The following PIP5K1B variants were observed in gnomAD, a reference collection of about 807,000 sequenced individuals.
PIP5K1B encodes phosphatidylinositol-4-phosphate 5-kinase type 1 beta.
In PIP5K1B, 42 loss-of-function variants were observed where a neutral mutation model predicts 67.0. That is an observed-to-expected ratio of 0.63 (90% CI 0.49 to 0.81). PIP5K1B has a LOEUF of 0.81. Ranked by LOEUF, PIP5K1B falls within the 30% of genes least tolerant of loss-of-function variation. The pLI is 0.00. For missense variants in PIP5K1B, 459 were observed against 646.3 expected, an observed-to-expected ratio of 0.71 and a Z score of 3.14; for synonymous variants, 214 against 231.4, an observed-to-expected ratio of 0.92 and a Z score of 0.68.
chr9:68,726,669 T>C (rs1828161816), intron 1 of PIP5K1B, among the ~76,000 whole-genome samples: 1 of 152,112 alleles, frequency 6.6e-6, no homozygotes, highest in African/African-American at 2.4e-5. Context: ...GAGGAGAGGG[T>C]GCTAATATCC....
intron 1 of PIP5K1B, among the ~76,000 whole-genome samples, chr9:68,712,190 C>G (rs1057273680): frequency 6.6e-6 from 1 of 152,128 alleles, no homozygotes; most frequent in Non-Finnish European, 1.5e-5. Flanking sequence ...TGTTTCAAAG[C>G]GTGTGGCATC....
intron 14 of PIP5K1B, among the ~76,000 whole-genome samples, chr9:68,949,777 C>T (rs140639661): frequency 6.6e-6 from 1 of 152,320 alleles, no homozygotes; most frequent in African/African-American, 2.4e-5. Context: ...AGCGCCGACA[C>T]GTGGTGGAAG....
At chr9:68,741,018 C>T (rs1227378789) in intron 1 of PIP5K1B, among the ~76,000 whole-genome samples, 1 of 152,178 alleles carries the variant, frequency 6.6e-6, no homozygotes, top group Non-Finnish European at 1.5e-5. Context: ...TTTCTAAATG[C>T]CATTTTACCC....
intron 4 of PIP5K1B, among the ~76,000 whole-genome samples, chr9:68,827,123 A>G (rs758873879): frequency 3.3e-5 from 5 of 152,200 alleles, no homozygotes; most frequent in Admixed American, 6.5e-5. Context: ...AGGGAGTCCA[A>G]TGAGCACAGG....
At chr9:68,792,710 ACCTCG>A in intron 2 of PIP5K1B, among the ~76,000 whole-genome samples, 1 of 151,874 alleles carries the variant, frequency 6.6e-6, no homozygotes, top group South Asian at 2.1e-4. Context: ...CGATCTCCTG[ACCTCG>A]TGATCCGCCC....
rs149392606 is a variant in PIP5K1B, at chr9:68,856,663, G to A, written c.70-7174G>A. Among the ~76,000 whole-genome samples, 771 of 152,198 alleles carry A rather than the reference G, an allele frequency of 5.1e-3. 3 individuals carry two copies. Among genetic ancestry groups the A allele is most frequent in the Non-Finnish European group, 8.7e-3 (595 of 68,010 alleles). The stretch of plus-strand genomic sequence containing the variant: ...AGAGCAAGAACCACGTCTCTTTTTC[G>A]GCTTATGCTTCGCACAATGCCTAAA... On this transcript the variant is annotated intron_variant, in intron 4 of 15. Coordinates refer to ENST00000265382, the MANE Select transcript of PIP5K1B (RefSeq NM_003558.4).
intron 8 of PIP5K1B, among the ~76,000 whole-genome samples, chr9:68,903,367 T>C (rs1297440746): frequency 6.6e-6 from 1 of 152,264 alleles, no homozygotes; most frequent in Non-Finnish European, 1.5e-5. Context: ...AGGTAAATCA[T>C]GTCAACATTG....
At chr9:68,801,980 TG>T (rs1832626924) in intron 2 of PIP5K1B, among the ~76,000 whole-genome samples, 2 of 152,330 alleles carry the variant, frequency 1.3e-5, no homozygotes, top group African/African-American at 4.8e-5. Context: ...AGATAAATAA[TG>T]GGCATCTCTG....
At chr9:68,813,762 G>A (rs1043851204) in intron 2 of PIP5K1B, among the ~76,000 whole-genome samples, 3 of 152,134 alleles carry the variant, frequency 2.0e-5, no homozygotes, top group Non-Finnish European at 4.4e-5. Flanking sequence ...GGCCAGGGCT[G>A]GAGTAACACA....
chr9:68,821,643 T>C (rs1001323522), intron 3 of PIP5K1B, among the ~76,000 whole-genome samples: 2 of 152,226 alleles, frequency 1.3e-5, no homozygotes, highest in African/African-American at 4.8e-5. Flanking sequence ...TATACTCTTC[T>C]GGAAATAAAT....
chr9:68,813,549 C>G (rs115022802), intron 2 of PIP5K1B, among the ~76,000 whole-genome samples: 1 of 152,144 alleles, frequency 6.6e-6, no homozygotes. Context: ...GTATTATGTT[C>G]CCTAGAAAGA....
chr9:68,894,220 A>T, intron 7 of PIP5K1B, 119 bp from the exon 8 acceptor site: 1 of 699,330 alleles, frequency 1.4e-6, no homozygotes. Flanking sequence ...ATGAACATTA[A>T]TAAAGATAAT....
chr9:68,750,310 G>A lies in PIP5K1B; in HGVS notation c.-86+7653G>A, dbSNP rs549723941. Reference sequence around the variant, plus strand: ...TTTCAGCTCCCCAGGATTTGTATGCGTAGATTGCCTGTCAGTTATGCTAAC... The same window carrying A: ...TTTCAGCTCCCCAGGATTTGTATGCATAGATTGCCTGTCAGTTATGCTAAC... On this transcript the variant is annotated intron_variant, in intron 2 of 15. Coordinates refer to ENST00000265382, the MANE Select transcript of PIP5K1B (RefSeq NM_003558.4). Among the ~76,000 whole-genome samples the A allele has an allele frequency of 6.6e-5, 10 of 152,252 alleles. No individual in the cohort carries two copies. The South Asian group carries it at 1.2e-3, about 19-fold the overall frequency.
At chr9:68,912,004 T>C (rs76120196) in intron 8 of PIP5K1B, among the ~76,000 whole-genome samples, 1 of 152,208 alleles carries the variant, frequency 6.6e-6, no homozygotes, top group Non-Finnish European at 1.5e-5. Flanking sequence ...TGTAGAAAGA[T>C]GGTAATTGGA....
At chr9:68,776,778 A>G (rs1025975235) in intron 2 of PIP5K1B, among the ~76,000 whole-genome samples, 2 of 152,208 alleles carry the variant, frequency 1.3e-5, no homozygotes, top group Admixed American at 6.5e-5. Flanking sequence ...AATTCATGGG[A>G]GTGAAACCGG....
At chr9:68,889,747 A>G (rs1824679913) in intron 7 of PIP5K1B, among the ~76,000 whole-genome samples, 2 of 152,106 alleles carry the variant, frequency 1.3e-5, no homozygotes, top group East Asian at 1.9e-4. Context: ...AAAAAAAAAA[A>G]AAAAAAAGCT....
intron 1 of PIP5K1B, among the ~76,000 whole-genome samples, chr9:68,713,020 C>G (rs1044519814): frequency 2.6e-5 from 4 of 152,212 alleles, no homozygotes; most frequent in African/African-American, 9.6e-5. Flanking sequence ...TCAACAGTCC[C>G]AATACCATGG....
chr9:68,969,383 A>C (rs1303367302), intron 14 of PIP5K1B, among the ~76,000 whole-genome samples: 6 of 139,400 alleles, frequency 4.3e-5, no homozygotes, highest in South Asian at 2.3e-4. Flanking sequence ...AAAAAAAAAA[A>C]AAAAAACTGT....
At chr9:68,736,387 A>T (rs933426451) in intron 1 of PIP5K1B, among the ~76,000 whole-genome samples, 11 of 151,940 alleles carry the variant, frequency 7.2e-5, no homozygotes, top group African/African-American at 2.7e-4. Context: ...GTATTTTAAC[A>T]TTTTTTTTCT....
Sources: allele counts gnomAD v4.1 joint callset (sites outside exome capture counted in the v4.1 genomes callset), GRCh38; gene constraint gnomAD v4.1.1; transcripts MANE v1.5; gene names NCBI Gene and HGNC (gene_info 2026-07-23, HGNC 2026-07-21).